EYS: variants seen among roughly 807,000 people sequenced by gnomAD.
EYS encodes the protein EGF-like photoreceptor maintenance factor.
EYS carries 250 observed loss-of-function variants against 282.1 expected under a neutral mutation model. The observed-to-expected ratio is 0.89, with a 90% CI of 0.80 to 0.98. The LOEUF (loss-of-function observed/expected upper bound fraction) is 0.98. EYS is among the 50% of genes least tolerant of loss of function. EYS has a pLI of 0.00. For synonymous variants in EYS, 1,355 were observed against 1,282.9 expected, an observed-to-expected ratio of 1.06 and a Z score of -1.20; for missense variants, 4,016 against 3,709.0, an observed-to-expected ratio of 1.08 and a Z score of -2.15.
At chr6:64,209,543 A>G (rs1765699910) in intron 31 of EYS, among the ~76,000 whole-genome samples, 1 of 152,186 alleles carries the variant, frequency 6.6e-6, no homozygotes, top group African/African-American at 2.4e-5. Flanking sequence ...AATACCATTT[A>G]TGCTTTCCCT....
intron 28 of EYS, among the ~76,000 whole-genome samples, chr6:64,402,870 T>C (rs1383032535): frequency 6.6e-6 from 1 of 152,216 alleles, no homozygotes; most frequent in East Asian, 1.9e-4. Flanking sequence ...CCATATCGTG[T>C]TATGATTCTT....
chr6:64,120,328 C>T (rs1773537452), intron 31 of EYS, among the ~76,000 whole-genome samples: 1 of 138,688 alleles, frequency 7.2e-6, no homozygotes, highest in East Asian at 2.1e-4. Context: ...TGCACTCCAG[C>T]CTGGGTGACA....
chr6:64,866,207 T>G (rs1766420804), intron 19 of EYS, among the ~76,000 whole-genome samples: 1 of 151,930 alleles, frequency 6.6e-6, no homozygotes, highest in Non-Finnish European at 1.5e-5. Context: ...TAAATCTTTA[T>G]CATGATTATT....
At chr6:64,972,941 A>G (rs1006101053) in intron 14 of EYS, among the ~76,000 whole-genome samples, 3 of 152,086 alleles carry the variant, frequency 2.0e-5, no homozygotes, top group Non-Finnish European at 4.4e-5. Context: ...TATGAATCCA[A>G]ATTAAATTAA....
rs543332747 is a variant in EYS at position 64,822,916 on chromosome 6, G to C, written c.2993-94C>G. The C allele has an allele frequency of 1.8e-5, 17 of 953,020 alleles. No homozygotes were observed. The Admixed American group carries it at 3.9e-4, about 22-fold the overall frequency. The allele number at this position is 953,020 out of a possible 1,614,324, so 59.0% of individuals were successfully genotyped here. On this transcript the variant is annotated intron_variant, in intron 19 of 42. Coordinates refer to ENST00000503581, the MANE Select transcript of EYS (RefSeq NM_001142800.2). ...ATGGTAAACATCACCAAGAAATGAA[G>C]ACCTCTCTCTATAATGATAACTTGG... is the stretch of plus-strand genomic sequence containing the variant.
intron 33 of EYS, among the ~76,000 whole-genome samples, chr6:63,999,976 G>GACAAT (rs1390187449): frequency 1.2e-4 from 18 of 152,028 alleles, no homozygotes; most frequent in African/African-American, 4.3e-4. Flanking sequence ...ATTTCGTAGG[G>GACAAT]ACAATACAAA....
intron 12 of EYS, among the ~76,000 whole-genome samples, chr6:65,120,079 C>G (rs1487024414): frequency 1.4e-5 from 2 of 140,114 alleles, no homozygotes; most frequent in Admixed American, 1.4e-4. Flanking sequence ...GCAAAACCGG[C>G]AGGCAGAGCT....
intron 34 of EYS, among the ~76,000 whole-genome samples, chr6:63,998,769 T>G (rs1275616010): frequency 6.7e-6 from 1 of 149,398 alleles, no homozygotes; most frequent in Non-Finnish European, 1.5e-5. Flanking sequence ...ATTTTGCCAA[T>G]CTTTCCCCAC....
chr6:64,502,859 A>T (rs1777098429), intron 26 of EYS, among the ~76,000 whole-genome samples: 1 of 152,204 alleles, frequency 6.6e-6, no homozygotes, highest in South Asian at 2.1e-4. Flanking sequence ...TTATTTCAAG[A>T]ACAATGGTAG....
At chr6:64,435,111 G>A (rs1316270216) in intron 28 of EYS, among the ~76,000 whole-genome samples, 1 of 152,000 alleles carries the variant, frequency 6.6e-6, no homozygotes, top group Non-Finnish European at 1.5e-5. Context: ...TGATGAGAAA[G>A]ATATTAAATG....
At position 65,475,878 on chromosome 6, in the gene EYS, T is replaced by A. The variant is rs1226177641; in HGVS notation, c.862+14716A>T. 3.3e-5 allele frequency among the ~76,000 whole-genome samples: 5 copies of A among 151,826 alleles called. No individual in the cohort carries two copies. In the South Asian group the frequency reaches 8.3e-4, roughly 25 times the overall value. On this transcript the variant is annotated intron_variant, in intron 5 of 42. Coordinates refer to ENST00000503581, the MANE Select transcript of EYS (RefSeq NM_001142800.2). ...TTATTCCATTTTTAAAATCTTAGAC[T>A]CAGAAAATAATAAATAAGGAATATT... is the stretch of plus-strand genomic sequence containing the variant.
chr6:64,545,167 C>A (rs1388637488), intron 26 of EYS, among the ~76,000 whole-genome samples: 1 of 152,122 alleles, frequency 6.6e-6, no homozygotes, highest in Non-Finnish European at 1.5e-5. Flanking sequence ...AAAAGCTTAT[C>A]CACCATGATC....
Position 63,778,155 on chromosome 6 carries a change from G to A in EYS, c.7749C>T (p.Arg2583=), listed in dbSNP as rs2149664363. 1.3e-6 allele frequency: 2 copies of A among 1,551,888 alleles called. No individual in the cohort carries two copies. The highest frequency in any genetic ancestry group is 1.7e-6 in the Non-Finnish European group (2 of 1,146,980). The part of the protein sequence containing the change: ...FQGCIFTLQV[R]TEKDGHFRGL... ...CTCTGAAATGGCCATCCTTCTCAGT[G>A]CGAACTTGAAGAGTGAAAATACAGC... The change falls in exon 40 of 43, where the codon CGC becomes CGT. Residue 2583 remains arginine, a synonymous_variant. Coordinates refer to ENST00000503581, the MANE Select transcript of EYS (RefSeq NM_001142800.2).
At chr6:63,934,403 A>C (rs1156719457) in intron 35 of EYS, among the ~76,000 whole-genome samples, 1 of 152,050 alleles carries the variant, frequency 6.6e-6, no homozygotes, top group Non-Finnish European at 1.5e-5. Flanking sequence ...TACTGGGTAT[A>C]TACCCAAAGG....
chr6:64,825,560 C>T (rs758563162), intron 19 of EYS, among the ~76,000 whole-genome samples: 2 of 151,830 alleles, frequency 1.3e-5, no homozygotes, highest in Admixed American at 6.6e-5. Context: ...TTCCCAACCA[C>T]GAACAAAACA....
chr6:64,112,169 A>G (rs1347961012), intron 31 of EYS, among the ~76,000 whole-genome samples: 1 of 152,102 alleles, frequency 6.6e-6, no homozygotes, highest in East Asian at 1.9e-4. Flanking sequence ...GGCAAATTAT[A>G]TAACCCTCTA....
At chr6:64,756,885 C>CT (rs5876921) in intron 22 of EYS, among the ~76,000 whole-genome samples, 27,670 of 137,670 alleles carry the variant, frequency 0.2, 2,937 homozygotes, top group East Asian at 0.35. Context: ...AGCATCAGTG[C>CT]TTTTTTTTTT....
chr6:63,727,169 TCTGTGTATAA>T (rs1435897436), intron 41 of EYS, among the ~76,000 whole-genome samples: 1 of 152,000 alleles, frequency 6.6e-6, no homozygotes, highest in African/African-American at 2.4e-5. Context: ...TTTTTTTGCT[TCTGTGTATAA>T]CTGACCCAAT....
chr6:65,261,051 C>A (rs906192602), intron 12 of EYS, among the ~76,000 whole-genome samples: 1 of 151,964 alleles, frequency 6.6e-6, no homozygotes, highest in African/African-American at 2.4e-5. Context: ...CTTGGGGGAA[C>A]TTTGCACTTC....
Sources: allele counts gnomAD v4.1 joint callset (sites outside exome capture counted in the v4.1 genomes callset), GRCh38; gene constraint gnomAD v4.1.1; transcripts MANE v1.5; gene names NCBI Gene and HGNC (gene_info 2026-07-23, HGNC 2026-07-21).